APC: variants seen among roughly 807,000 people sequenced by gnomAD.
APC encodes the protein APC regulator of Wnt signaling pathway, also known as adenomatous polyposis coli protein.
A neutral mutation model predicts 247.0 loss-of-function variants in APC; 72 were observed. The observed-to-expected ratio is 0.29, with a 90% CI of 0.24 to 0.35. The LOEUF (loss-of-function observed/expected upper bound fraction) is 0.35, where lower values mean the gene tolerates loss of function less well. APC is among the 10% of genes least tolerant of loss of function. APC has a pLI of 1.00. For missense variants in APC, 3,400 were observed against 3,360.7 expected (o/e 1.01, Z -0.29); for synonymous variants, 1,254 against 1,162.5 (o/e 1.08, Z -1.60).
chr5:112,788,276 G>A (rs1355773581), intron 6 of APC, among the ~76,000 whole-genome samples: 3 of 152,118 alleles, frequency 2.0e-5, no homozygotes, highest in African/African-American at 7.2e-5. Flanking sequence ...CTCTTGTCAT[G>A]TAAACTTTAA....
At position 112,841,826 on chromosome 5, in the gene APC, C is replaced by G. The variant is rs786203610; in HGVS notation, c.6232C>G (p.Leu2078Val). The change falls in exon 16 of 16, where the codon CTT becomes GTT. Residue 2078 changes from leucine (L) to valine (V), a missense_variant. Physicochemically the swap from Leu to Val is conservative, Grantham distance 32 (BLOSUM62 1). Coordinates refer to ENST00000257430, the MANE Select transcript of APC (RefSeq NM_000038.6). This position sits in a 1 kb window ranked among gnomAD's most constrained non-coding sequence, Gnocchi z 4.6. ...TGGCATATTAGGTGAAGATCTGACA[C>G]TTGATTTGAAAGATATACAGAGACC... ...MGGILGEDLT[L>V]DLKDIQRPDS... is the part of the protein sequence containing the mutation. The G allele has an allele frequency of 1.2e-6, 2 of 1,613,936 alleles. No individual in the cohort carries two copies. Among genetic ancestry groups the G allele is most frequent in the Non-Finnish European group, 1.7e-6 (2 of 1,179,866 alleles).
chr5:112,750,205 C>T (rs925567421), intron 1 of APC, among the ~76,000 whole-genome samples: 5 of 152,082 alleles, frequency 3.3e-5, no homozygotes, highest in Non-Finnish European at 5.9e-5. Context: ...TCAAGTGATC[C>T]GCCCGCTTCA....
chr5:112,776,278 A>G (rs902523778), intron 5 of APC, among the ~76,000 whole-genome samples: 2 of 152,244 alleles, frequency 1.3e-5, no homozygotes, highest in African/African-American at 2.4e-5. Flanking sequence ...CTGATTTACT[A>G]CAAAGGGTTA....
intron 3 of APC, 58 bp downstream of exon 3, chr5:112,766,468 G>A: frequency 1.7e-6 from 2 of 1,199,706 alleles, no homozygotes; most frequent in Non-Finnish European, 2.5e-6. Context: ...TCATCTTTAG[G>A]TGTGTAGATC....
intron 8 of APC, chr5:112,810,032 G>A (rs1355676660): frequency 2.5e-6 from 1 of 403,754 alleles, no homozygotes; most frequent in African/African-American, 2.1e-5. Context: ...TTAGCTAACT[G>A]TAAAGATGTC....
At position 112,841,128 on chromosome 5, in the gene APC, A is replaced by G. The variant is rs2149942629; in HGVS notation, c.5534A>G (p.His1845Arg). The change falls in exon 16 of 16, where the codon CAT becomes CGT. Residue 1845 changes from histidine to arginine, a missense_variant. By Grantham distance (29) the His-to-Arg change is conservative (BLOSUM62 0). Around this residue, in one of 9 missense-constraint regions of APC, gnomAD observed 1,788 missense variants for 1,649.5 expected, o/e 1.08. Transcript: ENST00000257430. This position sits in a 1 kb window ranked among gnomAD's most constrained non-coding sequence, Gnocchi z 4.6. ...AGTTTTGCTTTTGATTCACCTCATC[A>G]TTACACGCCTATTGAAGGAACTCCT... ...RGSFAFDSPH[H>R]YTPIEGTPYC... 6.2e-7 allele frequency: 1 copy of G among 1,612,830 alleles called. No homozygotes were observed. Among genetic ancestry groups the G allele is most frequent in the Non-Finnish European group, 8.5e-7 (1 of 1,178,826 alleles).
chr5:112,721,599 A>G (rs1371392389), intron 1 of APC, among the ~76,000 whole-genome samples: 2 of 152,156 alleles, frequency 1.3e-5, no homozygotes, highest in African/African-American at 4.8e-5. Flanking sequence ...ATCCACGTAG[A>G]CTTTGAAGTC....
intron 1 of APC, among the ~76,000 whole-genome samples, chr5:112,739,158 A>G (rs1183520740): frequency 6.6e-6 from 1 of 152,242 alleles, no homozygotes; most frequent in Non-Finnish European, 1.5e-5. Flanking sequence ...TTAAAGCAAC[A>G]TGGCTTTTCT....
intron 1 of APC, among the ~76,000 whole-genome samples, chr5:112,748,057 A>T (rs1183306994): frequency 6.6e-6 from 1 of 152,204 alleles, no homozygotes; most frequent in Non-Finnish European, 1.5e-5. Flanking sequence ...CGACCCACAA[A>T]GCCTTATAAT....
At chr5:112,766,431 T>G (rs1193592072) in intron 3 of APC, 21 bp downstream of exon 3, 1 of 1,547,210 alleles carries the variant, frequency 6.5e-7, no homozygotes, top group East Asian at 2.3e-5. Context: ...AAAAGGTGTT[T>G]TAAAATAATT....
chr5:112,746,330 C>T (rs1292043213), intron 1 of APC, among the ~76,000 whole-genome samples: 1 of 152,118 alleles, frequency 6.6e-6, no homozygotes, highest in Non-Finnish European at 1.5e-5. Flanking sequence ...TGAATTCTAG[C>T]TGACTTTCAA....
intron 6 of APC, among the ~76,000 whole-genome samples, chr5:112,791,094 G>A (rs1759532498): frequency 4.6e-5 from 7 of 152,082 alleles, no homozygotes; most frequent in Admixed American, 3.3e-4. Context: ...TTATTCATAA[G>A]TGAGTTGTTT....
intron 8 of APC, among the ~76,000 whole-genome samples, chr5:112,811,067 T>C (rs147638216): frequency 1.3e-5 from 2 of 152,170 alleles, no homozygotes; most frequent in Non-Finnish European, 2.9e-5. Flanking sequence ...TTAGAGAAAG[T>C]TGAAGACCAG....
At chr5:112,762,705 A>T (rs959336401) in intron 2 of APC, among the ~76,000 whole-genome samples, 1 of 152,198 alleles carries the variant, frequency 6.6e-6, no homozygotes, top group African/African-American at 2.4e-5. Flanking sequence ...TGGTAAAAGG[A>T]GCTTGAGGGA....
chr5:112,792,442 T>G lies in APC; in HGVS notation c.646-4T>G. On this transcript the variant is annotated splice_polypyrimidine_tract_variant and splice_region_variant and intron_variant, in intron 6 of 15. Transcript: ENST00000257430. ...AACTAATTAGGTTTCTTGTTTTATTTTAGCGAAGAATAGCCAGAATTCAGC... is the reference window on the plus strand; with the variant it reads ...AACTAATTAGGTTTCTTGTTTTATTGTAGCGAAGAATAGCCAGAATTCAGC... 1.2e-6 allele frequency: 2 copies of G among 1,605,448 alleles called. No individual in the cohort carries two copies. Among genetic ancestry groups the G allele is most frequent in the Non-Finnish European group, 1.7e-6 (2 of 1,174,286 alleles).
chr5:112,737,428 A>C (rs1752465810), upstream of APC, among the ~76,000 whole-genome samples: 1 of 152,208 alleles, frequency 6.6e-6, no homozygotes, highest in Admixed American at 6.5e-5. Context: ...ACAAGTCATC[A>C]CTCTGACAAC....
rs1314072687 is a variant in APC at position 112,839,515 on chromosome 5, A to T, written c.3921A>T (p.Ile1307=). ...CTAATACCCTGCAAATAGCAGAAAT[A>T]AAAGAAAAGATTGGAACTAGGTCAG... ...DSANTLQIAE[I]KEKIGTRSAE... is the part of the protein sequence containing the mutation. Residue 1307 remains isoleucine (I), a synonymous_variant, in exon 16 of 16, where the codon ATA becomes ATT. Transcript: ENST00000257430. This position sits in a 1 kb window ranked among gnomAD's most constrained non-coding sequence, Gnocchi z 5.0. The T allele has an allele frequency of 6.2e-7, 1 of 1,614,106 alleles. No homozygotes were observed. Among genetic ancestry groups the T allele is most frequent in the Non-Finnish European group, 8.5e-7 (1 of 1,180,026 alleles).
At chr5:112,728,320 C>T (rs988538666) in intron 1 of APC, among the ~76,000 whole-genome samples, 1 of 151,958 alleles carries the variant, frequency 6.6e-6, no homozygotes, top group African/African-American at 2.4e-5. Flanking sequence ...TTAGTAGAGA[C>T]GGGGTTTCAC....
chr5:112,788,672 T>TG lies in APC; in HGVS notation c.646-3774_646-3773insG, dbSNP rs557222953. On this transcript the variant is annotated intron_variant, in intron 6 of 15. Transcript: ENST00000257430. ...CTTCAATAAGGTTTTGTCAAATTCT[T>TG]CACAGGGGTCTTACATATCATTTAA... 5.1e-3 allele frequency among the ~76,000 whole-genome samples: 778 copies of TG among 152,036 alleles called. 9 individuals are homozygous for TG. Among genetic ancestry groups the TG allele is most frequent in the Non-Finnish European group, 6.4e-3 (435 of 67,940 alleles).
Sources: allele counts gnomAD v4.1 joint callset (sites outside exome capture counted in the v4.1 genomes callset), GRCh38; gene constraint gnomAD v4.1.1; regional missense constraint gnomAD v4.1.1; non-coding constraint Gnocchi (gnomAD v3.1); transcripts MANE v1.5; gene names NCBI Gene and HGNC (gene_info 2026-07-23, HGNC 2026-07-21).